The following ZNF718 variants were observed in gnomAD, a reference collection of about 807,000 sequenced individuals.
The protein encoded by ZNF718 is zinc finger protein 718.
A neutral mutation model predicts 2.6 loss-of-function variants in ZNF718; 3 were observed. The observed-to-expected ratio is 1.16, with a 90% CI of 0.53 to 3.01. The LOEUF is 3.01. ZNF718 is among the 30% of genes most tolerant of loss of function. The pLI, the probability that ZNF718 is intolerant of heterozygous loss-of-function variation, is 0.03. For synonymous variants in ZNF718, 135 were observed against 77.9 expected (o/e 1.73, Z -3.86); for missense variants, 468 against 230.0 (o/e 2.03, Z -6.69).
At chr4:145,014 A>G (rs997302524) in intron 3 of ZNF718, among the ~76,000 whole-genome samples, 2 of 151,888 alleles carry the variant, frequency 1.3e-5, no homozygotes, top group Non-Finnish European at 2.9e-5. Flanking sequence ...TTGGCATGGA[A>G]TATTCTTTTT....
chr4:156,276 G>T (rs1236963119), intron 3 of ZNF718, among the ~76,000 whole-genome samples: 1 of 151,922 alleles, frequency 6.6e-6, no homozygotes, highest in African/African-American at 2.4e-5. Context: ...TATTGTTCCT[G>T]CATTGTTTAT....
chr4:168,714 T>C (rs1717150245), downstream of ZNF718, among the ~76,000 whole-genome samples: 1 of 152,178 alleles, frequency 6.6e-6, no homozygotes, highest in African/African-American at 2.4e-5. Flanking sequence ...TTTATCATTT[T>C]TTATTGCATC....
chr4:198,661 T>A (rs782342560), intron 3 of ZNF718, among the ~76,000 whole-genome samples: 2 of 152,204 alleles, frequency 1.3e-5, no homozygotes, highest in Non-Finnish European at 2.9e-5. Context: ...GGTGGCCATA[T>A]TATTACACTA....
At chr4:174,068 A>G (rs1401441199) in intron 3 of ZNF718, among the ~76,000 whole-genome samples, 1 of 152,120 alleles carries the variant, frequency 6.6e-6, no homozygotes, top group Non-Finnish European at 1.5e-5. Flanking sequence ...GGACAACATG[A>G]ATAAACAAGC....
rs1456216320 is a variant in ZNF718 at position 187,602 on chromosome 4, A to G, written c.227-13479A>G. Among the ~76,000 whole-genome samples, 4 of 152,188 alleles carry G rather than the reference A, an allele frequency of 2.6e-5. No individual in the cohort carries two copies. The East Asian group carries it at 7.7e-4, about 29-fold the overall frequency. ...GTTGCAATACAGCAAGGATGGCAGC[A>G]TGCACATTCCTCTGGGGTCTCCATC... On this transcript the variant is annotated intron_variant and NMD_transcript_variant, in intron 3 of 4. Transcript: ENST00000642529.
At chr4:181,509 CA>C (rs1231807549) in intron 3 of ZNF718, among the ~76,000 whole-genome samples, 2 of 152,056 alleles carry the variant, frequency 1.3e-5, no homozygotes, top group African/African-American at 4.8e-5. Context: ...TGCATGTTGA[CA>C]ACTGATTTCT....
chr4:161,068 A>G lies in ZNF718; in HGVS notation c.383A>G (p.Tyr128Cys), dbSNP rs1234754453. Reference sequence around the variant, plus strand: ...GAGTGTAAGGTGCAGAAAGGTGGTTATAATAGAATTAACCAATGCTTATTA... The same window carrying G: ...GAGTGTAAGGTGCAGAAAGGTGGTTGTAATAGAATTAACCAATGCTTATTA... The part of the protein sequence containing the change: ...INECKVQKGG[Y>C]NRINQCLLTT... Residue 128 changes from tyrosine (Y) to cysteine (C), a missense_variant, in exon 4 of 4, where the codon TAT becomes TGT. Physicochemically the swap from Tyr to Cys is radical, Grantham distance 194. Transcript: ENST00000510175. 2 of 779,342 alleles carry G rather than the reference A, an allele frequency of 2.6e-6. No individual in the cohort carries two copies. The highest frequency in any genetic ancestry group is 1.7e-5 in the African/African-American group (1 of 59,134). The allele number at this position is 779,342 out of a possible 1,614,324, so 48.3% of individuals were successfully genotyped here.
chr4:159,775 AGTT>A (rs1373453490), intron 3 of ZNF718, among the ~76,000 whole-genome samples: 1 of 152,092 alleles, frequency 6.6e-6, no homozygotes, highest in Non-Finnish European at 1.5e-5. Context: ...CATTATTTAT[AGTT>A]GTTTTCTGAA....
intron 3 of ZNF718, among the ~76,000 whole-genome samples, chr4:158,993 G>T (rs570959450): frequency 5.5e-5 from 8 of 145,596 alleles, no homozygotes; most frequent in African/African-American, 1.8e-4. Flanking sequence ...GGACAGTTTT[G>T]CTGGTTATAT....
intron 3 of ZNF718, among the ~76,000 whole-genome samples, chr4:151,087 T>C (rs1292079081): frequency 6.6e-6 from 1 of 152,144 alleles, no homozygotes; most frequent in Non-Finnish European, 1.5e-5. Context: ...CAATTGTTAG[T>C]CTTATTTTTT....
At chr4:173,770 C>T (rs1553818564) in intron 3 of ZNF718, among the ~76,000 whole-genome samples, 1 of 152,132 alleles carries the variant, frequency 6.6e-6, no homozygotes, top group Non-Finnish European at 1.5e-5. Flanking sequence ...GCAGCTAGGG[C>T]CACCACCTGC....
At position 135,077 on chromosome 4, in the gene ZNF718, A is replaced by C. The variant is rs369072826; in HGVS notation, c.226+3572A>C. The stretch of plus-strand genomic sequence containing the variant: ...GCCAACGTGGTGAAACCCCATCTCT[A>C]CTAAAAATACAAAAATTAGCTGGGC... On this transcript the variant is annotated intron_variant, in intron 3 of 3. Coordinates refer to ENST00000510175, the MANE Select transcript of ZNF718 (RefSeq NM_001039127.6). Among the ~76,000 whole-genome samples, 6 of 152,070 alleles carry C rather than the reference A, an allele frequency of 3.9e-5. No individual in the cohort carries two copies. In the South Asian group the frequency reaches 1.2e-3, roughly 31 times the overall value.
intron 3 of ZNF718, among the ~76,000 whole-genome samples, chr4:169,280 C>T (rs1436141332): frequency 6.6e-6 from 1 of 152,008 alleles, no homozygotes; most frequent in African/African-American, 2.4e-5. Flanking sequence ...ACTATGTGGT[C>T]GATTTTGGAA....
chr4:143,709 G>T (rs1715915014), intron 3 of ZNF718, among the ~76,000 whole-genome samples: 1 of 151,936 alleles, frequency 6.6e-6, no homozygotes, highest in Non-Finnish European at 1.5e-5. Flanking sequence ...AACCAAACAC[G>T]TTTGCTCTTG....
At chr4:172,727 CT>C (rs1300841748) in intron 3 of ZNF718, among the ~76,000 whole-genome samples, 12 of 152,038 alleles carry the variant, frequency 7.9e-5, no homozygotes, top group Admixed American at 7.2e-4. Context: ...ACAACTGATA[CT>C]TTTTTTTGTT....
intron 3 of ZNF718, among the ~76,000 whole-genome samples, chr4:141,336 T>C (rs1715803905): frequency 6.6e-6 from 1 of 152,234 alleles, no homozygotes; most frequent in Non-Finnish European, 1.5e-5. Context: ...TTTTAAACCC[T>C]GATAAAGAAT....
At chr4:189,455 A>G (rs1347569674) in intron 3 of ZNF718, among the ~76,000 whole-genome samples, 1 of 152,138 alleles carries the variant, frequency 6.6e-6, no homozygotes, top group African/African-American at 2.4e-5. Flanking sequence ...TTACTGTTAT[A>G]TAAAAGTATT....
chr4:147,006 T>C (rs1716096208), intron 3 of ZNF718, among the ~76,000 whole-genome samples: 1 of 152,224 alleles, frequency 6.6e-6, no homozygotes, highest in African/African-American at 2.4e-5. Flanking sequence ...AGTCTCACTC[T>C]GTTGCTCAGG....
At chr4:141,445 A>G (rs1238461256) in intron 3 of ZNF718, among the ~76,000 whole-genome samples, 1 of 152,182 alleles carries the variant, frequency 6.6e-6, no homozygotes, top group Non-Finnish European at 1.5e-5. Context: ...TTTGGCAATT[A>G]TTTTTTTAAA....
Sources: allele counts gnomAD v4.1 joint callset (sites outside exome capture counted in the v4.1 genomes callset), GRCh38; gene constraint gnomAD v4.1.1; transcripts MANE v1.5; gene names NCBI Gene and HGNC (gene_info 2026-07-23, HGNC 2026-07-21).